The following SPIN1 variants were observed in gnomAD, a reference collection of about 807,000 sequenced individuals.
SPIN1 encodes the protein spindlin 1.
Under a neutral mutation model 26.0 loss-of-function variants are expected in SPIN1, and 3 were observed. That is an observed-to-expected ratio of 0.12 (90% CI 0.05 to 0.30). SPIN1 has a LOEUF of 0.30. SPIN1 is among the 10% of genes least tolerant of loss of function. The pLI, the probability that SPIN1 is intolerant of heterozygous loss-of-function variation, is 1.00. For synonymous variants in SPIN1, 101 were observed against 116.5 expected, an observed-to-expected ratio of 0.87 and a Z score of 0.86; for missense variants, 126 against 333.4, an observed-to-expected ratio of 0.38 and a Z score of 4.84.
chr9:88,441,093 A>G (rs1402415885), intron 2 of SPIN1, among the ~76,000 whole-genome samples: 5 of 151,842 alleles, frequency 3.3e-5, no homozygotes, highest in Admixed American at 2.0e-4. Flanking sequence ...TATCCAGAAA[A>G]ACATCATTGT....
chr9:88,398,459 T>A (rs1197467668), intron 1 of SPIN1, among the ~76,000 whole-genome samples: 1 of 152,118 alleles, frequency 6.6e-6, no homozygotes, highest in East Asian at 1.9e-4. Flanking sequence ...GGGCTCAAGC[T>A]ACCCTGTGCA....
intron 4 of SPIN1, among the ~76,000 whole-genome samples, 197 bp from the exon 5 acceptor site, chr9:88,468,175 T>C (rs1472073069): frequency 6.6e-6 from 1 of 152,198 alleles, no homozygotes; most frequent in East Asian, 1.9e-4. Context: ...TCTATTCTGT[T>C]GAATCCATCT....
At chr9:88,468,261 AC>A in intron 4 of SPIN1, 110 bp from the exon 5 acceptor site, 6 of 708,812 alleles carry the variant, frequency 8.5e-6, no homozygotes, top group Non-Finnish European at 1.3e-5. Context: ...GCTTGCTAAT[AC>A]GTTGCATGGA....
At chr9:88,418,157 C>A (rs1021107652) in intron 1 of SPIN1, among the ~76,000 whole-genome samples, 1 of 152,172 alleles carries the variant, frequency 6.6e-6, no homozygotes, top group Non-Finnish European at 1.5e-5. Context: ...TCTCCTCTAC[C>A]CGCCTCCCTT....
At position 88,452,450 on chromosome 9, in the gene SPIN1, G is replaced by A. The variant is rs755307207; in HGVS notation, c.101+3461G>A. 4.6e-5 allele frequency among the ~76,000 whole-genome samples: 7 copies of A among 152,248 alleles called. No homozygotes were observed. The East Asian group carries it at 9.7e-4, about 21-fold the overall frequency. ...ATGAAGACTGGGTAACTCTTGGTGC[G>A]GGCATCTATGTGCACCATGGTGTAT... On this transcript the variant is annotated intron_variant, in intron 3 of 5. Coordinates refer to ENST00000375859, the MANE Select transcript of SPIN1 (RefSeq NM_006717.3).
intron 5 of SPIN1, 26 bp from the exon 6 acceptor site, chr9:88,475,052 T>G: frequency 9.4e-7 from 1 of 1,063,220 alleles, no homozygotes; most frequent in Non-Finnish European, 1.2e-6. Context: ...TCTCTCTTTT[T>G]TTTTTTTTTT....
At chr9:88,470,583 T>A (rs1031506967) in intron 5 of SPIN1, among the ~76,000 whole-genome samples, 2 of 142,390 alleles carry the variant, frequency 1.4e-5, no homozygotes, top group Non-Finnish European at 3.0e-5. Flanking sequence ...ATCTTTCATA[T>A]GCTTATTGGC....
intron 3 of SPIN1, among the ~76,000 whole-genome samples, chr9:88,451,711 G>A (rs955337345): frequency 2.6e-5 from 4 of 152,090 alleles, no homozygotes; most frequent in Non-Finnish European, 5.9e-5. Context: ...CAGGCGTGCC[G>A]CAGCACGCCC....
Position 88,475,393 on chromosome 9 carries a change from T to G in SPIN1, c.*116T>G. On this transcript the variant is annotated 3_prime_UTR_variant, in exon 6 of 6. Transcript: ENST00000375859. The stretch of plus-strand genomic sequence containing the variant: ...CTTAAATGTCCCTGCGAACCCACAA[T>G]CTCTGCCAGCAGAACTGGTTTTGTT... The G allele has an allele frequency of 9.5e-7, 1 of 1,054,922 alleles. No individual in the cohort carries two copies. Among genetic ancestry groups the G allele is most frequent in the Non-Finnish European group, 1.4e-6 (1 of 726,946 alleles). 65.3% of individuals were successfully genotyped at this position (1,054,922 alleles called of 1,614,324 possible). A position where few individuals can be genotyped will look rare whatever the true frequency, so the allele number is the denominator to read the frequency against.
At chr9:88,451,706 G>C (rs143238674) in intron 3 of SPIN1, among the ~76,000 whole-genome samples, 1 of 152,126 alleles carries the variant, frequency 6.6e-6, no homozygotes, top group African/African-American at 2.4e-5. Context: ...GACCACAGGC[G>C]TGCCGCAGCA....
intron 3 of SPIN1, among the ~76,000 whole-genome samples, chr9:88,453,105 T>TTTTCC (rs1828396139): frequency 6.6e-6 from 1 of 152,096 alleles, no homozygotes; most frequent in Admixed American, 6.5e-5. Flanking sequence ...TGAAAGGTCG[T>TTTTCC]TTTCCTTTCC....
At chr9:88,452,059 G>A (rs759315956) in intron 3 of SPIN1, among the ~76,000 whole-genome samples, 39 of 152,172 alleles carry the variant, frequency 2.6e-4, no homozygotes, top group Admixed American at 7.2e-4. Context: ...TTAGAAAGTG[G>A]ACTAGAATCT....
intron 2 of SPIN1, among the ~76,000 whole-genome samples, chr9:88,444,458 C>G (rs963550277): frequency 6.6e-6 from 1 of 151,590 alleles, no homozygotes; most frequent in African/African-American, 2.4e-5. Context: ...TTAGCCAGGA[C>G]AGTCTCGATC....
intron 5 of SPIN1, among the ~76,000 whole-genome samples, chr9:88,470,718 C>A (rs906327844): frequency 1.3e-5 from 2 of 152,092 alleles, no homozygotes; most frequent in Non-Finnish European, 2.9e-5. Context: ...CCTCAGCCTC[C>A]CCAGTAGCTG....
intron 5 of SPIN1, among the ~76,000 whole-genome samples, chr9:88,471,543 T>C (rs1002361228): frequency 2.0e-5 from 3 of 147,936 alleles, no homozygotes; most frequent in African/African-American, 7.5e-5. Flanking sequence ...TAATCCCAGC[T>C]ACTCGGGAGG....
chr9:88,398,240 C>T (rs184786984), intron 1 of SPIN1, among the ~76,000 whole-genome samples: 92 of 152,112 alleles, frequency 6.0e-4, no homozygotes, highest in African/African-American at 2.1e-3. Flanking sequence ...CATGAGTCAC[C>T]GTGCCTGGCT....
intron 3 of SPIN1, among the ~76,000 whole-genome samples, chr9:88,457,511 C>T (rs959423839): frequency 3.9e-5 from 6 of 152,038 alleles, no homozygotes; most frequent in African/African-American, 1.5e-4. Context: ...GCCTGGGTGA[C>T]TGAGTGAGAC....
intron 3 of SPIN1, among the ~76,000 whole-genome samples, chr9:88,454,565 AAT>A (rs1275882430): frequency 6.6e-6 from 1 of 152,224 alleles, no homozygotes; most frequent in Non-Finnish European, 1.5e-5. Flanking sequence ...GAACTTGTTC[AAT>A]ATATAAATAA....
chr9:88,437,878 A>T (rs913071504), intron 2 of SPIN1, among the ~76,000 whole-genome samples: 5 of 152,042 alleles, frequency 3.3e-5, no homozygotes, highest in Non-Finnish European at 7.4e-5. Flanking sequence ...ATCTTTCTTT[A>T]TCTGGGCGTG....
Sources: allele counts gnomAD v4.1 joint callset (sites outside exome capture counted in the v4.1 genomes callset), GRCh38; gene constraint gnomAD v4.1.1; transcripts MANE v1.5; gene names NCBI Gene and HGNC (gene_info 2026-07-23, HGNC 2026-07-21).